CDC14B: variants seen among roughly 807,000 people sequenced by gnomAD.
The protein encoded by CDC14B is cell division cycle 14B.
In CDC14B, 22 loss-of-function variants were observed where a neutral mutation model predicts 64.2. The ratio of observed to expected loss-of-function variants is 0.34; its 90% CI spans 0.24 to 0.49. The LOEUF (loss-of-function observed/expected upper bound fraction) is 0.49, where lower values mean the gene tolerates loss of function less well. Ranked by LOEUF, CDC14B falls within the 20% of genes least tolerant of loss-of-function variation. The pLI, the probability that CDC14B is intolerant of heterozygous loss-of-function variation, is 0.99. For missense variants in CDC14B, 498 were observed against 629.9 expected (o/e 0.79, Z 2.24); for synonymous variants, 191 against 215.8 (o/e 0.89, Z 1.01).
intron 1 of CDC14B, among the ~76,000 whole-genome samples, chr9:96,599,380 TAA>T (rs779120308): frequency 6.2e-5 from 9 of 144,224 alleles, no homozygotes; most frequent in African/African-American, 7.5e-5. Context: ...AAACTCCGTT[TAA>T]AAAAAAAAAA....
Position 96,619,795 on chromosome 9 carries a change from C to G in CDC14B, c.-417G>C, listed in dbSNP as rs1304547974. 6.6e-6 allele frequency: 1 copy of G among 151,850 alleles called. No homozygotes were observed. Among genetic ancestry groups the G allele is most frequent in the Non-Finnish European group, 1.5e-5 (1 of 67,872 alleles). 9.4% of individuals were successfully genotyped at this position (151,850 alleles called of 1,614,324 possible). On this transcript the variant is annotated 5_prime_UTR_variant, in exon 1 of 14. Transcript: ENST00000375241. ...GCGTAGGCGCCGGGGCACAGCAGGA[C>G]GCGGCTCGTGGGGACCCCAGGAGGG...
intron 6 of CDC14B, among the ~76,000 whole-genome samples, chr9:96,540,589 G>A (rs905009487): frequency 6.6e-6 from 1 of 151,402 alleles, no homozygotes; most frequent in African/African-American, 2.4e-5. Context: ...TTGACTTTGG[G>A]TGCAATACCC....
rs748098075 is a variant in CDC14B, at chr9:96,564,889, T to G, written c.252-37A>C. ...AAAAATAAAAATGTGATGTACATTC[T>G]AGATGCTCTGAATATAAATGCCTTT... On this transcript the variant is annotated intron_variant, in intron 2 of 13. Transcript: ENST00000375241. 3 of 1,361,416 alleles carry G rather than the reference T, an allele frequency of 2.2e-6. No individual in the cohort carries two copies. In the South Asian group the frequency reaches 3.8e-5, roughly 17 times the overall value. 84.3% of individuals were successfully genotyped at this position (1,361,416 alleles called of 1,614,324 possible). A position where few individuals can be genotyped will look rare whatever the true frequency, so the allele number is the denominator to read the frequency against.
intron 1 of CDC14B, among the ~76,000 whole-genome samples, chr9:96,581,719 G>A (rs1230226769): frequency 6.6e-6 from 1 of 152,086 alleles, no homozygotes; most frequent in African/African-American, 2.4e-5. Flanking sequence ...CCTCTGGGGA[G>A]TGAGGGAAGG....
chr9:96,577,037 G>C (rs1382784990), intron 1 of CDC14B, among the ~76,000 whole-genome samples: 1 of 152,112 alleles, frequency 6.6e-6, no homozygotes, highest in Non-Finnish European at 1.5e-5. Context: ...TGGATCACTA[G>C]AGGTCAGGAG....
chr9:96,616,649 G>A (rs1037548094), intron 1 of CDC14B, among the ~76,000 whole-genome samples: 2 of 152,008 alleles, frequency 1.3e-5, no homozygotes, highest in Non-Finnish European at 1.5e-5. Context: ...CCTTGAACCC[G>A]GGAGGCAGAG....
At chr9:96,496,419 C>CTGTCTCAGGGCT, downstream of CDC14B, 1 of 465,768 alleles carries the variant, frequency 2.1e-6, no homozygotes. Flanking sequence ...ACCACAGGGC[C>CTGTCTCAGGGCT]TGTCTCAGGG....
At chr9:96,522,737 C>G (rs1836939190) in intron 11 of CDC14B, 134 bp from the exon 12 acceptor site, 1 of 644,988 alleles carries the variant, frequency 1.6e-6, no homozygotes, top group Non-Finnish European at 2.8e-6. Context: ...CTTTCACAAT[C>G]AAGCTTCAGG....
At chr9:96,565,914 G>A (rs1843842973) in intron 1 of CDC14B, among the ~76,000 whole-genome samples, 1 of 152,118 alleles carries the variant, frequency 6.6e-6, no homozygotes, top group African/African-American at 2.4e-5. Context: ...TTCTTAAAGG[G>A]AAAGAATGCT....
intron 13 of CDC14B, among the ~76,000 whole-genome samples, chr9:96,493,715 C>T (rs1833143020): frequency 6.6e-6 from 1 of 152,110 alleles, no homozygotes; most frequent in Non-Finnish European, 1.5e-5. Flanking sequence ...GTCATAGCTA[C>T]TTGGTAGGCT....
chr9:96,496,006 G>T (rs1027734684), downstream of CDC14B, among the ~76,000 whole-genome samples: 1 of 152,204 alleles, frequency 6.6e-6, no homozygotes, highest in Non-Finnish European at 1.5e-5. Context: ...AGGGGCCTCA[G>T]CTTCCATCAG....
intron 13 of CDC14B, among the ~76,000 whole-genome samples, chr9:96,507,833 C>T (rs908642936): frequency 6.6e-6 from 1 of 152,222 alleles, no homozygotes; most frequent in East Asian, 1.9e-4. Flanking sequence ...CCAACTGTCC[C>T]ACCAACCAGA....
chr9:96,533,689 T>C (rs1488095528), intron 9 of CDC14B, among the ~76,000 whole-genome samples: 6 of 152,222 alleles, frequency 3.9e-5, no homozygotes, highest in Admixed American at 6.5e-5. Context: ...TAGAATTATA[T>C]AGGATGCACC....
chr9:96,612,086 G>C (rs1025093730), intron 1 of CDC14B, among the ~76,000 whole-genome samples: 1 of 152,138 alleles, frequency 6.6e-6, no homozygotes, highest in South Asian at 2.1e-4. Flanking sequence ...TCCTTTTACA[G>C]GGAATCTTTC....
chr9:96,589,769 T>C (rs1030513213), intron 1 of CDC14B, among the ~76,000 whole-genome samples: 3 of 151,924 alleles, frequency 2.0e-5, no homozygotes, highest in African/African-American at 7.3e-5. Flanking sequence ...CCATCCTGGT[T>C]AACATGGTGA....
intron 3 of CDC14B, among the ~76,000 whole-genome samples, chr9:96,563,897 A>G (rs1843576690): frequency 6.6e-6 from 1 of 152,184 alleles, no homozygotes; most frequent in African/African-American, 2.4e-5. Flanking sequence ...AAGGCCATAA[A>G]TAGTTATATT....
At chr9:96,521,835 A>G (rs1045173066) in intron 12 of CDC14B, among the ~76,000 whole-genome samples, 4 of 152,242 alleles carry the variant, frequency 2.6e-5, no homozygotes, top group Non-Finnish European at 5.9e-5. Flanking sequence ...AAGTGGGAGC[A>G]TTTACTAAAG....
rs775829280 is a variant in CDC14B at position 96,515,455 on chromosome 9, T to C, written c.1344-5666A>G. Among the ~76,000 whole-genome samples, 3 of 152,206 alleles carry C rather than the reference T, an allele frequency of 2.0e-5. No individual in the cohort carries two copies. Among genetic ancestry groups the C allele is most frequent in the Non-Finnish European group, 4.4e-5 (3 of 68,050 alleles). ...AACGTATGTTACTTTCAATATCCTT[T>C]CTATGAGAGGAACAGTGAAGCCCAC... On this transcript the variant is annotated intron_variant, in intron 12 of 13. Transcript: ENST00000375241. This position sits in a 1 kb window ranked among gnomAD's most constrained non-coding sequence, Gnocchi z 4.3.
rs569716103 is a variant in CDC14B, at chr9:96,524,999, G to A, written c.947-1274C>T. Among the ~76,000 whole-genome samples, 22 of 152,280 alleles carry A rather than the reference G, an allele frequency of 1.4e-4. No individual in the cohort carries two copies. The South Asian group carries it at 4.2e-3, about 29-fold the overall frequency. ...CATATTTAGCAGGGGAGATTTGTAA[G>A]GAAAGTGTTGAAGATACAACCTGGT... On this transcript the variant is annotated intron_variant, in intron 9 of 13. Transcript: ENST00000375241.
Sources: gnomAD v4.1 joint callset for allele counts (sites outside exome capture counted in the v4.1 genomes callset) on GRCh38, gnomAD v4.1.1 for gene constraint, Gnocchi (gnomAD v3.1) non-coding constraint, MANE v1.5 for transcripts, NCBI Gene and HGNC (gene_info 2026-07-23, HGNC 2026-07-21) for gene names.